Variants in NRG3 observed in about 807,000 individuals in gnomAD.
NRG3 encodes the protein neuregulin 3.
In NRG3, 31 loss-of-function variants were observed where a neutral mutation model predicts 66.9. That is an observed-to-expected ratio of 0.46 (90% CI 0.35 to 0.63). The LOEUF is 0.63. NRG3 is among the 20% of genes least tolerant of loss of function. The pLI is 0.00. For missense variants in NRG3, 910 were observed against 878.9 expected (o/e 1.04, Z -0.45); for synonymous variants, 393 against 359.4 (o/e 1.09, Z -1.06).
Position 82,266,261 on chromosome 10 carries a change from G to A in NRG3, c.824-92478G>A, listed in dbSNP as rs368601065. 3.8e-4 allele frequency among the ~76,000 whole-genome samples: 58 copies of A among 152,260 alleles called. 1 individual carries two copies. The East Asian group carries it at 8.7e-3, about 23-fold the overall frequency. ...TTATGGTGGTTCAAGGGGCAGTCGG[G>A]GAGGGTGTGTTCTATTATAATCCCA... On this transcript the variant is annotated intron_variant, in intron 1 of 8. Transcript: ENST00000372141.
chr10:82,214,104 C>A (rs1472636761), intron 1 of NRG3, among the ~76,000 whole-genome samples: 1 of 152,060 alleles, frequency 6.6e-6, no homozygotes, highest in Non-Finnish European at 1.5e-5. Flanking sequence ...AGAAAAGAGG[C>A]CAAATATTCA....
chr10:82,597,694 G>A (rs1310050537), intron 2 of NRG3, among the ~76,000 whole-genome samples: 4 of 151,948 alleles, frequency 2.6e-5, no homozygotes, highest in Non-Finnish European at 2.9e-5. Flanking sequence ...AGGCCGAGGC[G>A]GGTGGATCAC....
At chr10:81,933,187 G>C (rs1005450626) in intron 1 of NRG3, among the ~76,000 whole-genome samples, 1 of 151,868 alleles carries the variant, frequency 6.6e-6, no homozygotes, top group African/African-American at 2.4e-5. Context: ...AATGAAAGAG[G>C]ATCAAGCCTC....
At chr10:82,085,140 GTCC>G (rs2065642066) in intron 1 of NRG3, among the ~76,000 whole-genome samples, 1 of 152,076 alleles carries the variant, frequency 6.6e-6, no homozygotes, top group Non-Finnish European at 1.5e-5. Flanking sequence ...TTGTTCCTTT[GTCC>G]TCCTCTCTAC....
chr10:81,906,212 A>G (rs943564424), intron 1 of NRG3, among the ~76,000 whole-genome samples: 4 of 151,060 alleles, frequency 2.6e-5, no homozygotes, highest in Non-Finnish European at 4.4e-5. Flanking sequence ...TGTTCTTATC[A>G]TCATCATCAT....
At chr10:82,765,689 T>C (rs1308661994) in intron 3 of NRG3, among the ~76,000 whole-genome samples, 5 of 152,180 alleles carry the variant, frequency 3.3e-5, no homozygotes, top group Admixed American at 2.0e-4. Flanking sequence ...TTCCCTTTGA[T>C]GGAAAATTAT....
intron 3 of NRG3, among the ~76,000 whole-genome samples, chr10:82,750,501 T>G (rs1342352563): frequency 6.6e-6 from 1 of 152,134 alleles, no homozygotes; most frequent in Non-Finnish European, 1.5e-5. Context: ...GAATTTTCTC[T>G]TAAGAGAAAC....
At chr10:82,610,054 C>A (rs2048212036) in intron 2 of NRG3, among the ~76,000 whole-genome samples, 1 of 152,150 alleles carries the variant, frequency 6.6e-6, no homozygotes, top group South Asian at 2.1e-4. Context: ...CTGATGGCTG[C>A]AGGGCTGAGG....
intron 2 of NRG3, among the ~76,000 whole-genome samples, chr10:82,443,228 T>G (rs1441101250): frequency 6.6e-6 from 1 of 151,408 alleles, no homozygotes. Flanking sequence ...TTTTTCTCCA[T>G]TGTGATATCC....
intron 3 of NRG3, among the ~76,000 whole-genome samples, chr10:82,805,914 A>G (rs939413922): frequency 1.3e-5 from 2 of 152,170 alleles, no homozygotes; most frequent in South Asian, 2.1e-4. Context: ...ACATTTTAGT[A>G]TGTCACTTCT....
At chr10:82,215,963 C>CTTTTTTTTTTT (rs71894841) in intron 1 of NRG3, among the ~76,000 whole-genome samples, 11 of 89,710 alleles carry the variant, frequency 1.2e-4, no homozygotes, top group East Asian at 4.7e-4. Flanking sequence ...TTATGTTTTC[C>CTTTTTTTTTTT]TTTTTTTTTT....
intron 1 of NRG3, among the ~76,000 whole-genome samples, chr10:82,240,444 G>C (rs1216179629): frequency 6.6e-6 from 1 of 152,128 alleles, no homozygotes; most frequent in Admixed American, 6.5e-5. Flanking sequence ...AATGATGGTT[G>C]CTTAAGAATT....
At chr10:82,941,625 C>A (rs1417481625) in intron 4 of NRG3, among the ~76,000 whole-genome samples, 1 of 151,996 alleles carries the variant, frequency 6.6e-6, no homozygotes, top group Non-Finnish European at 1.5e-5. Flanking sequence ...AGTCAGAGTG[C>A]AACCATTAGG....
At chr10:82,037,360 G>A (rs532365720) in intron 1 of NRG3, among the ~76,000 whole-genome samples, 60 of 152,146 alleles carry the variant, frequency 3.9e-4, no homozygotes, top group Non-Finnish European at 7.4e-5. Flanking sequence ...GCAGTTTGAA[G>A]TCTGGTCTCC....
chr10:82,193,198 A>G (rs1410237662), intron 1 of NRG3, among the ~76,000 whole-genome samples: 1 of 152,204 alleles, frequency 6.6e-6, no homozygotes, highest in Non-Finnish European at 1.5e-5. Flanking sequence ...GCTGGAGTGC[A>G]GTGGCATGAT....
At chr10:82,413,604 T>C (rs2088293531) in intron 2 of NRG3, among the ~76,000 whole-genome samples, 1 of 152,160 alleles carries the variant, frequency 6.6e-6, no homozygotes, top group African/African-American at 2.4e-5. Context: ...AAGCCAGTCA[T>C]TGACTTCTCT....
At chr10:82,567,208 A>G (rs2045464156) in intron 2 of NRG3, among the ~76,000 whole-genome samples, 1 of 151,948 alleles carries the variant, frequency 6.6e-6, no homozygotes, top group Non-Finnish European at 1.5e-5. Flanking sequence ...CATTCTGTCT[A>G]TGAGGAAGTC....
chr10:82,856,210 C>G (rs1352367368), intron 3 of NRG3, among the ~76,000 whole-genome samples: 1 of 152,102 alleles, frequency 6.6e-6, no homozygotes, highest in Non-Finnish European at 1.5e-5. Context: ...GGCATTTTTA[C>G]TCATGCAATA....
chr10:82,490,331 T>C (rs1590324606), intron 2 of NRG3, among the ~76,000 whole-genome samples: 1 of 152,312 alleles, frequency 6.6e-6, no homozygotes, highest in East Asian at 1.9e-4. Flanking sequence ...CCGGATCCCA[T>C]ACTGCTCAAT....
Sources: gnomAD v4.1 joint callset for allele counts (sites outside exome capture counted in the v4.1 genomes callset) on GRCh38, gnomAD v4.1.1 for gene constraint, MANE v1.5 for transcripts, NCBI Gene and HGNC (gene_info 2026-07-23, HGNC 2026-07-21) for gene names.